Variants in LGR4 observed in about 807,000 individuals in gnomAD.
LGR4 encodes the protein leucine rich repeat containing G protein-coupled receptor 4.
LGR4 carries 44 observed loss-of-function variants against 84.8 expected under a neutral mutation model. The ratio of observed to expected loss-of-function variants is 0.52; its 90% CI spans 0.41 to 0.67. The LOEUF (loss-of-function observed/expected upper bound fraction) is 0.67, where lower values mean the gene tolerates loss of function less well. Among genes scored for constraint, LGR4 ranks in the 30% least tolerant of loss-of-function variants. The pLI is 0.00. For synonymous variants in LGR4, 429 were observed against 434.3 expected (o/e 0.99, Z 0.15); for missense variants, 1,032 against 1,131.4 (o/e 0.91, Z 1.26).
rs111923817 is a variant in LGR4 at position 27,368,793 on chromosome 11, T to G, written c.1930A>C (p.Ser644Arg). ...TTCATTATATCTTTTGCAGATAAGC[T>G]TCTTTCGACAGTTGCTAGCATTAAT... ...FLLMLATVER[S>R]LSAKDIMKNG... The change falls in exon 18 of 18, where the codon AGC becomes CGC. Residue 644 changes from serine to arginine, a missense_variant. Physicochemically the swap from Ser to Arg is moderately radical, Grantham distance 110. Transcript: ENST00000379214. 5.6e-6 allele frequency: 9 copies of G among 1,614,122 alleles called. No individual in the cohort carries two copies. The highest frequency in any genetic ancestry group is 5.3e-5 in the African/African-American group (4 of 75,048).
chr11:27,454,761 CA>C (rs59633176), intron 1 of LGR4, among the ~76,000 whole-genome samples: 50,436 of 108,658 alleles, frequency 0.46, 10,289 homozygotes, highest in Middle Eastern at 0.65. Context: ...GACTCTGTCT[CA>C]AAAAAAAAAA....
At chr11:27,425,350 G>A (rs975947480) in intron 1 of LGR4, among the ~76,000 whole-genome samples, 1 of 110,172 alleles carries the variant, frequency 9.1e-6, no homozygotes. Context: ...TTTTTTTTTT[G>A]AAACAGTCTC....
chr11:27,378,888 G>T, intron 10 of LGR4, 120 bp from the exon 11 acceptor site: 1 of 660,812 alleles, frequency 1.5e-6, no homozygotes. Flanking sequence ...TACATCCCAT[G>T]GCCTAATTAT....
intron 4 of LGR4, among the ~76,000 whole-genome samples, chr11:27,390,655 T>C (rs987672141): frequency 6.6e-6 from 1 of 152,200 alleles, no homozygotes; most frequent in African/African-American, 2.4e-5. Context: ...TTTTGAAGAA[T>C]ACTTTTTCAT....
rs765849642 is a variant in LGR4 at position 27,385,446 on chromosome 11, T to C, written c.424A>G (p.Thr142Ala). The C allele has an allele frequency of 3.7e-6, 6 of 1,605,526 alleles. No individual in the cohort carries two copies. ...QSLRLDANHI[T>A]SVPEDSFEGL... ...TCAAAACTGTCCTCGGGGACTGAGG[T>C]AATATGGTTGGCATCTAAACGCCTA... Residue 142 changes from threonine to alanine, a missense_variant, in exon 5 of 18, where the codon ACC becomes GCC. Transcript: ENST00000379214.
intron 1 of LGR4, among the ~76,000 whole-genome samples, chr11:27,461,232 G>A (rs974016297): frequency 3.3e-5 from 5 of 151,564 alleles, no homozygotes; most frequent in African/African-American, 4.8e-5. Flanking sequence ...TAGGAGCACC[G>A]TGGCTCACAC....
At chr11:27,454,791 C>T (rs1169241935) in intron 1 of LGR4, among the ~76,000 whole-genome samples, 2 of 150,396 alleles carry the variant, frequency 1.3e-5, no homozygotes, top group Admixed American at 6.6e-5. Flanking sequence ...AAATTATTTG[C>T]ATTAAACATT....
intron 2 of LGR4, among the ~76,000 whole-genome samples, chr11:27,395,317 G>GA (rs1184540558): frequency 6.6e-6 from 1 of 151,698 alleles, no homozygotes; most frequent in African/African-American, 2.4e-5. Flanking sequence ...TTGTATCTAT[G>GA]GGCTTTCCTT....
Sources: allele counts gnomAD v4.1 joint callset (sites outside exome capture counted in the v4.1 genomes callset), GRCh38; gene constraint gnomAD v4.1.1; transcripts MANE v1.5; gene names NCBI Gene and HGNC (gene_info 2026-07-23, HGNC 2026-07-21).